ZFP90: variants seen among roughly 807,000 people sequenced by gnomAD.
The protein encoded by ZFP90 is ZFP90 zinc finger protein.
ZFP90 carries 38 observed loss-of-function variants against 60.8 expected under a neutral mutation model. That is an observed-to-expected ratio of 0.62 (90% CI 0.48 to 0.82). The LOEUF is 0.82. Among genes scored for constraint, ZFP90 ranks in the 40% least tolerant of loss-of-function variants. ZFP90 has a pLI of 0.00. For missense variants in ZFP90, 711 were observed against 759.1 expected (o/e 0.94, Z 0.74); for synonymous variants, 287 against 264.8 (o/e 1.08, Z -0.82).
Position 68,563,271 on chromosome 16 carries a change from GA to G in ZFP90, c.488del (p.Asn163IlefsTer4). ...AAATTTTGAGCAAAATAAATTTGGT[GA>G]AAATTCTAGATTGAACACCAATTTG... is the stretch of plus-strand genomic sequence containing the variant. ...QENFEQNKFG[E>X]NSRLNTNLVT... On this transcript the variant is annotated frameshift_variant, in exon 5 of 5. Transcript: ENST00000563169. LOFTEE classifies it high-confidence loss of function. 1 of 1,613,774 alleles carries G rather than the reference GA, an allele frequency of 6.2e-7. No individual in the cohort carries two copies. The highest frequency in any genetic ancestry group is 8.5e-7 in the Non-Finnish European group (1 of 1,179,886).
At chr16:68,549,149 A>G (rs1428594840) in intron 2 of ZFP90, among the ~76,000 whole-genome samples, 1 of 152,156 alleles carries the variant, frequency 6.6e-6, no homozygotes, top group African/African-American at 2.4e-5. Context: ...GGGTGGTGAC[A>G]AGGCTTCAGT....
intron 4 of ZFP90, chr16:68,562,834 T>C: frequency 1.8e-6 from 2 of 1,135,154 alleles, no homozygotes; most frequent in Non-Finnish European, 2.5e-6. Flanking sequence ...GCTTTCCTCA[T>C]TCTCTGGACT....
chr16:68,558,179 T>C, intron 3 of ZFP90, 55 bp downstream of exon 3: 3 of 1,601,896 alleles, frequency 1.9e-6, no homozygotes, highest in Non-Finnish European at 2.6e-6. Flanking sequence ...CCTTCCTTGG[T>C]TGCTATAGTG....
At chr16:68,560,714 G>A (rs755643869) in intron 4 of ZFP90, among the ~76,000 whole-genome samples, 4 of 151,354 alleles carry the variant, frequency 2.6e-5, no homozygotes, top group Non-Finnish European at 5.9e-5. Context: ...GCACCAACTC[G>A]CCTGGCTAGT....
intron 2 of ZFP90, chr16:68,557,341 GTGT>G: frequency 2.2e-6 from 1 of 448,980 alleles, no homozygotes; most frequent in East Asian, 7.0e-5. Context: ...ATACGGCGAG[GTGT>G]TGTTGGTTTT....
At chr16:68,556,634 A>C (rs2091348776) in intron 2 of ZFP90, among the ~76,000 whole-genome samples, 2 of 152,330 alleles carry the variant, frequency 1.3e-5, no homozygotes, top group South Asian at 4.1e-4. Flanking sequence ...CATGGAACTT[A>C]CAGTGGAGAG....
At chr16:68,540,233 TAG>T (rs780920286) in intron 2 of ZFP90, among the ~76,000 whole-genome samples, 81 of 152,080 alleles carry the variant, frequency 5.3e-4, no homozygotes, top group Non-Finnish European at 8.2e-4. Context: ...CCAGGGCCCA[TAG>T]AGAGTCCGTA....
chr16:68,570,227 T>C (rs1387862094), downstream of ZFP90, among the ~76,000 whole-genome samples: 1 of 152,192 alleles, frequency 6.6e-6, no homozygotes, highest in Admixed American at 6.5e-5. Flanking sequence ...TCATCAAAGA[T>C]CCCTGATGGA....
At chr16:68,556,756 T>G (rs568896009) in intron 2 of ZFP90, among the ~76,000 whole-genome samples, 16 of 152,292 alleles carry the variant, frequency 1.1e-4, no homozygotes, top group Admixed American at 2.6e-4. Flanking sequence ...CAGTGAGAGA[T>G]AGCTGGACTA....
downstream of ZFP90, among the ~76,000 whole-genome samples, chr16:68,569,572 G>T (rs142629720): frequency 6.6e-6 from 1 of 152,082 alleles, no homozygotes; most frequent in African/African-American, 2.4e-5. Context: ...CACTCAGCTG[G>T]TGACCTTATT....
At chr16:68,546,885 G>A (rs990007918) in intron 2 of ZFP90, among the ~76,000 whole-genome samples, 2 of 152,188 alleles carry the variant, frequency 1.3e-5, no homozygotes, top group Admixed American at 6.6e-5. Context: ...CATCTAAGTC[G>A]TAGCATATAT....
intron 2 of ZFP90, chr16:68,557,383 A>G: frequency 7.2e-6 from 3 of 415,996 alleles, no homozygotes; most frequent in South Asian, 5.1e-5. Flanking sequence ...ATACAGGTGT[A>G]CTGTGGAGTA....
intron 2 of ZFP90, among the ~76,000 whole-genome samples, chr16:68,543,566 CTTTTTTTT>C (rs56788189): frequency 7.5e-6 from 1 of 133,382 alleles, no homozygotes; most frequent in Non-Finnish European, 1.6e-5. Context: ...GCCTTTTTTT[CTTTTTTTT>C]TTTTTGAGAC....
chr16:68,555,764 T>G (rs2091333363), intron 2 of ZFP90, among the ~76,000 whole-genome samples: 1 of 152,184 alleles, frequency 6.6e-6, no homozygotes, highest in African/African-American at 2.4e-5. Context: ...ACTGGAGATC[T>G]GCTAACTGGC....
intron 2 of ZFP90, among the ~76,000 whole-genome samples, chr16:68,544,719 G>A (rs1223217872): frequency 2.6e-5 from 4 of 152,118 alleles, no homozygotes; most frequent in Admixed American, 2.6e-4. Context: ...AGTCAAGGAT[G>A]TCCGAGCTCC....
chr16:68,566,139 T>A lies in ZFP90; in HGVS notation c.*1441T>A. On this transcript the variant is annotated 3_prime_UTR_variant, in exon 5 of 5. Coordinates refer to ENST00000563169, the MANE Select transcript of ZFP90 (RefSeq NM_001305203.2). ...CAGAGCAAGACACACACACATCAAT[T>A]TATTTTAGTTGTATAATGCTTTTCT... 1 of 984,828 alleles carries A rather than the reference T, an allele frequency of 1.0e-6. No homozygotes were observed. Among genetic ancestry groups the A allele is most frequent in the Non-Finnish European group, 1.2e-6 (1 of 829,762 alleles). 61.0% of individuals were successfully genotyped at this position (984,828 alleles called of 1,614,324 possible).
chr16:68,534,960 A>G (rs1478017227), upstream of ZFP90, among the ~76,000 whole-genome samples: 1 of 152,170 alleles, frequency 6.6e-6, no homozygotes, highest in Non-Finnish European at 1.5e-5. Flanking sequence ...GACATCATAA[A>G]TTTTGTGTCT....
chr16:68,548,117 G>A (rs989729150), intron 2 of ZFP90, among the ~76,000 whole-genome samples: 37 of 152,154 alleles, frequency 2.4e-4, no homozygotes, highest in African/African-American at 8.4e-4. Flanking sequence ...GTGAGCCACC[G>A]TGTCCGGCCC....
At position 68,565,712 on chromosome 16, in the gene ZFP90, G is replaced by A. The variant is rs191061223; in HGVS notation, c.*1014G>A. 12 of 950,750 alleles carry A rather than the reference G, an allele frequency of 1.3e-5. No homozygotes were observed. Among genetic ancestry groups the A allele is most frequent in the East Asian group, 1.3e-4 (1 of 7,702 alleles). 58.9% of individuals were successfully genotyped at this position (950,750 alleles called of 1,614,324 possible). ...AGAAAACTAAGAGGAGAATTTTCCC[G>A]TTAATTTTCTTGCAGAAAAGTTAAG... On this transcript the variant is annotated 3_prime_UTR_variant, in exon 5 of 5. Coordinates refer to ENST00000563169, the MANE Select transcript of ZFP90 (RefSeq NM_001305203.2).
Sources: gnomAD v4.1 joint callset for allele counts (sites outside exome capture counted in the v4.1 genomes callset) on GRCh38, gnomAD v4.1.1 for gene constraint, MANE v1.5 for transcripts, NCBI Gene and HGNC (gene_info 2026-07-23, HGNC 2026-07-21) for gene names.